The following LRRCC1 variants were observed in gnomAD, a reference collection of about 807,000 sequenced individuals.
The protein encoded by LRRCC1 is leucine-rich repeat and coiled-coil domain-containing protein 1.
Under a neutral mutation model 126.0 loss-of-function variants are expected in LRRCC1, and 115 were observed. The ratio of observed to expected loss-of-function variants is 0.91; its 90% CI spans 0.78 to 1.07. The LOEUF (loss-of-function observed/expected upper bound fraction) is 1.07, where lower values mean the gene tolerates loss of function less well. LRRCC1 is among the 50% of genes least tolerant of loss of function. The pLI, the probability that LRRCC1 is intolerant of heterozygous loss-of-function variation, is 0.00. For missense variants in LRRCC1, 1,172 were observed against 1,175.7 expected, an observed-to-expected ratio of 1.00 and a Z score of 0.05; for synonymous variants, 400 against 393.4, an observed-to-expected ratio of 1.02 and a Z score of -0.20.
At chr8:85,137,337 A>G (rs763993843) in intron 14 of LRRCC1, 127 bp from the exon 15 acceptor site, 7 of 507,034 alleles carry the variant, frequency 1.4e-5, no homozygotes, top group Middle Eastern at 5.9e-4. Context: ...TTCATATTGT[A>G]CTATTATAAG....
At chr8:85,129,068 G>C in intron 9 of LRRCC1, 107 bp from the exon 10 acceptor site, 5 of 801,520 alleles carry the variant, frequency 6.2e-6, no homozygotes, top group Non-Finnish European at 1.0e-5. Context: ...GGAGTTGAGA[G>C]CATGAACAAA....
At chr8:85,113,197 C>A in intron 4 of LRRCC1, 98 bp downstream of exon 4, 1 of 846,668 alleles carries the variant, frequency 1.2e-6, no homozygotes. Flanking sequence ...TAGTCTTCAG[C>A]TTTGCAACAT....
Position 85,124,848 on chromosome 8 carries a change from T to C in LRRCC1, c.1181T>C (p.Leu394Ser), listed in dbSNP as rs1217560570. 3 of 1,599,866 alleles carry C rather than the reference T, an allele frequency of 1.9e-6. No individual in the cohort carries two copies. The highest frequency in any genetic ancestry group is 1.1e-5 in the South Asian group (1 of 89,268). The change falls in exon 8 of 19, where the codon TTA becomes TCA. Residue 394 changes from leucine to serine, a missense_variant. Leu to Ser is a moderately radical substitution (Grantham distance 145). Transcript: ENST00000360375. Reference protein sequence around the residue: ...YLKELYVSSSLANCPMLQESE... With the variant: ...YLKELYVSSSSANCPMLQESE... ...AAAGAATTATATGTAAGCTCATCTT[T>C]AGCAAACTGTCCTATGTTACAAGAA...
chr8:85,110,757 T>A (rs1808646173), intron 3 of LRRCC1, among the ~76,000 whole-genome samples: 2 of 152,250 alleles, frequency 1.3e-5, no homozygotes, highest in Non-Finnish European at 2.9e-5. Context: ...TTATCTGTAA[T>A]ATAGCTAAGG....
chr8:85,125,074 T>C (rs1809870534), intron 8 of LRRCC1, 135 bp downstream of exon 8: 3 of 582,160 alleles, frequency 5.2e-6, no homozygotes, highest in Non-Finnish European at 8.8e-6. Flanking sequence ...ATTTTTTCCT[T>C]CCTGATTTCC....
In LRRCC1 at chr8:85,123,553, C is replaced by T; in HGVS notation, c.1071C>T (p.Ala357=). ...GAAGATCAAAAATCCCTTATGATGC[C>T]AAAACCATTCAAACTATTAAGCACC... ...VPRRSKIPYD[A]KTIQTIKHHN... is the part of the protein sequence containing the mutation. The change falls in exon 7 of 19, where the codon GCC becomes GCT. Residue 357 remains alanine, a synonymous_variant. Coordinates refer to ENST00000360375, the MANE Select transcript of LRRCC1 (RefSeq NM_033402.5). 6.2e-7 allele frequency: 1 copy of T among 1,604,558 alleles called. No homozygotes were observed. Among genetic ancestry groups the T allele is most frequent in the Non-Finnish European group, 8.5e-7 (1 of 1,177,708 alleles).
In LRRCC1 at chr8:85,123,474, T is replaced by C; in HGVS notation, c.992T>C (p.Ile331Thr). ...KDPRPKRDTDITSESDYGNRK... is the reference protein window; with the variant it reads ...KDPRPKRDTDTTSESDYGNRK... ...CCCAGACCAAAAAGAGACACAGATA[T>C]AACTTCTGAAAGTGACTATGGAAAC... The change falls in exon 7 of 19, where the codon ATA becomes ACA. Residue 331 changes from isoleucine to threonine, a missense_variant. By Grantham distance (89) the Ile-to-Thr change is moderately conservative (BLOSUM62 -1). Coordinates refer to ENST00000360375, the MANE Select transcript of LRRCC1 (RefSeq NM_033402.5). 3 of 1,610,320 alleles carry C rather than the reference T, an allele frequency of 1.9e-6. No individual in the cohort carries two copies. Among genetic ancestry groups the C allele is most frequent in the Non-Finnish European group, 1.7e-6 (2 of 1,178,662 alleles).
In LRRCC1 at chr8:85,113,038, C is replaced by T. The variant is rs746797307; in HGVS notation, c.483C>T (p.His161=). 1.3e-5 allele frequency: 21 copies of T among 1,612,546 alleles called. No individual in the cohort carries two copies. The highest frequency in any genetic ancestry group is 1.7e-5 in the Non-Finnish European group (20 of 1,179,046). ...HHLLQCMVGL[H]FLTNLILEKD... ...TACTTCAGTGTATGGTAGGATTGCA[C>T]TTCCTGACCAATCTTATTTTGGAGA... The change falls in exon 4 of 19, where the codon CAC becomes CAT. Residue 161 remains histidine (H), a synonymous_variant. Transcript: ENST00000360375.
chr8:85,141,644 T>C, intron 18 of LRRCC1, 127 bp downstream of exon 18: 1 of 661,434 alleles, frequency 1.5e-6, no homozygotes, highest in Non-Finnish European at 2.4e-6. Context: ...ATAAAGAATG[T>C]TACCAAAACT....
chr8:85,107,430 C>G, intron 1 of LRRCC1, 31 bp downstream of exon 1: 5 of 1,572,390 alleles, frequency 3.2e-6, no homozygotes, highest in Non-Finnish European at 4.4e-6. Flanking sequence ...AGGAGCGACC[C>G]GCGCACTCCC....
In LRRCC1 at chr8:85,107,252, C is replaced by T. The variant is rs763758242; in HGVS notation, c.-44C>T. 50 of 1,566,874 alleles carry T rather than the reference C, an allele frequency of 3.2e-5. No individual in the cohort carries two copies. The highest frequency in any genetic ancestry group is 3.0e-4 in the South Asian group (26 of 85,254). ...AGGCTTGTCCCAAGCTCACGGACCC[C>T]TCGCTGGGTGCCGGTTAAGACCCCG... On this transcript the variant is annotated 5_prime_UTR_variant, in exon 1 of 19. Coordinates refer to ENST00000360375, the MANE Select transcript of LRRCC1 (RefSeq NM_033402.5).
At chr8:85,117,095 A>G (rs527319058) in intron 6 of LRRCC1, among the ~76,000 whole-genome samples, 9 of 152,306 alleles carry the variant, frequency 5.9e-5, no homozygotes, top group African/African-American at 2.2e-4. Context: ...ATTTGAAGTG[A>G]ACATTTCAGT....
At chr8:85,127,143 G>A (rs982174259) in intron 9 of LRRCC1, among the ~76,000 whole-genome samples, 1 of 152,162 alleles carries the variant, frequency 6.6e-6, no homozygotes, top group East Asian at 1.9e-4. Context: ...GTAAAGGGCA[G>A]GCATTGGCAG....
intron 1 of LRRCC1, chr8:85,107,681 G>T (rs1053712452): frequency 1.0e-5 from 3 of 291,990 alleles, no homozygotes; most frequent in African/African-American, 6.5e-5. Context: ...ACCAGCTTCT[G>T]ACCACTCTTT....
At chr8:85,143,349 G>T (rs1381840753) in intron 18 of LRRCC1, among the ~76,000 whole-genome samples, 3 of 151,530 alleles carry the variant, frequency 2.0e-5, no homozygotes, top group Non-Finnish European at 4.4e-5. Context: ...CCAAATTTAG[G>T]CTGGGCATGG....
At chr8:85,112,036 A>G (rs1313081326) in intron 3 of LRRCC1, among the ~76,000 whole-genome samples, 1 of 151,620 alleles carries the variant, frequency 6.6e-6, no homozygotes, top group Non-Finnish European at 1.5e-5. Context: ...AATTTTTTGT[A>G]TTTTTAGTAG....
rs755497189 is a variant in LRRCC1 at position 85,145,504 on chromosome 8, A to G, written c.3092A>G (p.Asp1031Gly). 6.3e-7 allele frequency: 1 copy of G among 1,581,126 alleles called. No individual in the cohort carries two copies. Among genetic ancestry groups the G allele is most frequent in the Admixed American group, 1.9e-5 (1 of 51,946 alleles). The stretch of plus-strand genomic sequence containing the variant: ...TTTGCTTTAAATGAAATTCAGCAAG[A>G]TATGTGATGGTTCTGAGAATGAATT... ...LAFALNEIQQ[D>G]M is the part of the protein sequence containing the mutation. Residue 1031 changes from aspartate (D) to glycine (G), a missense_variant, in exon 19 of 19, where the codon GAT becomes GGT. Transcript: ENST00000360375.
rs1811251028 is a variant in LRRCC1, at chr8:85,141,505, T to A, written c.2964T>A (p.Ser988=). Residue 988 remains serine (S), a synonymous_variant, in exon 18 of 19, where the codon TCT becomes TCA. Transcript: ENST00000360375. ...LANEKQKCID[S]ANLKVHQIEK... The stretch of plus-strand genomic sequence containing the variant: ...ATGAAAAGCAGAAGTGTATTGATTC[T>A]GCAAATTTAAAGGTATTGTAAGTAA... 1 of 1,606,644 alleles carries A rather than the reference T, an allele frequency of 6.2e-7. No homozygotes were observed. Among genetic ancestry groups the A allele is most frequent in the African/African-American group, 1.3e-5 (1 of 74,950 alleles).
chr8:85,139,790 G>T (rs1013739064), intron 17 of LRRCC1, among the ~76,000 whole-genome samples: 18 of 152,166 alleles, frequency 1.2e-4, no homozygotes, highest in Admixed American at 2.0e-4. Context: ...GCTATCTATG[G>T]ATAGCCCAAA....
Sources: gnomAD v4.1 joint callset for allele counts (sites outside exome capture counted in the v4.1 genomes callset) on GRCh38, gnomAD v4.1.1 for gene constraint, MANE v1.5 for transcripts, NCBI Gene and HGNC (gene_info 2026-07-23, HGNC 2026-07-21) for gene names.